FBXW7: variants seen among roughly 807,000 people sequenced by gnomAD.
FBXW7 encodes F-box and WD repeat domain containing 7, also known as F-box/WD repeat-containing protein 7.
FBXW7 carries 11 observed loss-of-function variants against 86.3 expected under a neutral mutation model. That is an observed-to-expected ratio of 0.13 (90% CI 0.08 to 0.21). FBXW7 has a LOEUF of 0.21. Ranked by LOEUF, FBXW7 falls within the 10% of genes least tolerant of loss-of-function variation. The pLI, the probability that FBXW7 is intolerant of heterozygous loss-of-function variation, is 1.00. For synonymous variants in FBXW7, 313 were observed against 297.9 expected (o/e 1.05, Z -0.52); for missense variants, 488 against 847.4 (o/e 0.58, Z 5.27).
At chr4:152,500,496 C>CAA (rs34375454) in intron 2 of FBXW7, among the ~76,000 whole-genome samples, 2,072 of 72,922 alleles carry the variant, frequency 0.028, 48 homozygotes, top group African/African-American at 0.039. Context: ...GCTTTGTCAG[C>CAA]AAAAAAAAAA....
At chr4:152,478,155 A>G (rs1248201784) in intron 2 of FBXW7, among the ~76,000 whole-genome samples, 1 of 152,096 alleles carries the variant, frequency 6.6e-6, no homozygotes, top group Non-Finnish European at 1.5e-5. Context: ...ATGTTGTACA[A>G]TTATCACCAC....
chr4:152,431,843 A>G (rs1432596225), intron 2 of FBXW7, among the ~76,000 whole-genome samples: 1 of 152,204 alleles, frequency 6.6e-6, no homozygotes, highest in Non-Finnish European at 1.5e-5. Flanking sequence ...CAGACTCACT[A>G]GTTTTATACA....
chr4:152,458,254 G>A (rs1015761601), intron 2 of FBXW7, among the ~76,000 whole-genome samples: 9 of 152,236 alleles, frequency 5.9e-5, no homozygotes, highest in South Asian at 2.1e-4. Context: ...TCCCGACCTC[G>A]TGATCCGCCC....
chr4:152,350,009 G>T lies in FBXW7; in HGVS notation c.584+33C>A, dbSNP rs1392057265. 3.3e-6 allele frequency: 4 copies of T among 1,218,076 alleles called. No individual in the cohort carries two copies. The East Asian group carries it at 7.9e-5, about 24-fold the overall frequency. The allele number at this position is 1,218,076 out of a possible 1,614,324, so 75.5% of individuals were successfully genotyped here. On this transcript the variant is annotated intron_variant, in intron 5 of 13. Coordinates refer to ENST00000281708, the MANE Select transcript of FBXW7 (RefSeq NM_001349798.2). ...TTCAGAATCAACTCTAAAAAACTGA[G>T]AATCATGAGATAATCATTATATTTA...
chr4:152,406,464 A>G (rs1349066389), intron 4 of FBXW7, among the ~76,000 whole-genome samples: 4 of 152,220 alleles, frequency 2.6e-5, no homozygotes, highest in Non-Finnish European at 5.9e-5. Context: ...TGAATGAGAT[A>G]CAGTTTATCA....
chr4:152,340,622 T>C (rs1234218633), intron 6 of FBXW7, among the ~76,000 whole-genome samples: 1 of 125,950 alleles, frequency 7.9e-6, no homozygotes. Flanking sequence ...TAAAGACGAG[T>C]AGCAATAGAA....
intron 2 of FBXW7, among the ~76,000 whole-genome samples, chr4:152,523,812 CT>C (rs1749247292): frequency 6.6e-6 from 1 of 152,162 alleles, no homozygotes; most frequent in South Asian, 2.1e-4. Flanking sequence ...GACACATCAT[CT>C]ATTTTGTTTT....
chr4:152,535,996 T>TCAGCGGCGGCGG lies in FBXW7; in HGVS notation c.-1094_-1083dup, dbSNP rs1554005671. On this transcript the variant is annotated 5_prime_UTR_variant, in exon 1 of 14. Transcript: ENST00000281708. ...CTCGGATGCTCCTTCGCTCTCAGTC[T>TCAGCGGCGGCGG]CAGCGGCGGCGGCGGCGGCAGCGGC... 1 of 241,296 alleles carries TCAGCGGCGGCGG rather than the reference T, an allele frequency of 4.1e-6. No individual in the cohort carries two copies. Among genetic ancestry groups the TCAGCGGCGGCGG allele is most frequent in the Non-Finnish European group, 7.9e-6 (1 of 126,672 alleles). 14.9% of individuals were successfully genotyped at this position (241,296 alleles called of 1,614,324 possible).
intron 6 of FBXW7, among the ~76,000 whole-genome samples, chr4:152,340,300 C>A (rs1428924487): frequency 6.6e-6 from 1 of 151,874 alleles, no homozygotes; most frequent in Non-Finnish European, 1.5e-5. Flanking sequence ...CTGATAGGCC[C>A]GGTGCAGTGG....
intron 4 of FBXW7, among the ~76,000 whole-genome samples, chr4:152,398,875 T>A (rs949861100): frequency 2.6e-5 from 4 of 152,076 alleles, no homozygotes; most frequent in Non-Finnish European, 5.9e-5. Context: ...TTGATAAAAT[T>A]GTAACCACTG....
chr4:152,402,974 T>C (rs1481982785), intron 4 of FBXW7, among the ~76,000 whole-genome samples: 2 of 152,232 alleles, frequency 1.3e-5, no homozygotes, highest in Admixed American at 6.5e-5. Context: ...TTCAAGTCTG[T>C]TGGTAAAGCC....
chr4:152,478,158 A>G (rs1744588349), intron 2 of FBXW7, among the ~76,000 whole-genome samples: 1 of 152,110 alleles, frequency 6.6e-6, no homozygotes. Context: ...TTGTACAATT[A>G]TCACCACTAT....
chr4:152,526,375 A>G (rs1355580962), intron 2 of FBXW7, among the ~76,000 whole-genome samples: 1 of 152,230 alleles, frequency 6.6e-6, no homozygotes, highest in Non-Finnish European at 1.5e-5. Flanking sequence ...ACAATCAAGA[A>G]GCATTTATTT....
At chr4:152,365,202 G>A (rs560373987) in intron 4 of FBXW7, among the ~76,000 whole-genome samples, 43 of 152,244 alleles carry the variant, frequency 2.8e-4, no homozygotes, top group Middle Eastern at 6.8e-3. Context: ...ACTGAACAGA[G>A]GTAGGATGGC....
rs376391860 is a variant in FBXW7 at position 152,339,762 on chromosome 4, C to T, written c.727-1826G>A. Among the ~76,000 whole-genome samples the T allele has an allele frequency of 3.1e-4, 47 of 151,774 alleles. No individual in the cohort carries two copies. The East Asian group carries it at 4.8e-3, about 16-fold the overall frequency. ...ATTTGAGATCAGCCTGGCAACATAA[C>T]GAGACCCCATCTCTACAAAAAAATT... On this transcript the variant is annotated intron_variant, in intron 6 of 13. Coordinates refer to ENST00000281708, the MANE Select transcript of FBXW7 (RefSeq NM_001349798.2).
intron 2 of FBXW7, among the ~76,000 whole-genome samples, chr4:152,454,237 G>A (rs1267511163): frequency 6.8e-6 from 1 of 146,238 alleles, no homozygotes; most frequent in African/African-American, 2.5e-5. Context: ...TTTTACTGGA[G>A]AGTAACTCTC....
intron 2 of FBXW7, among the ~76,000 whole-genome samples, chr4:152,437,930 T>C (rs1175493956): frequency 2.0e-5 from 3 of 152,180 alleles, no homozygotes; most frequent in Non-Finnish European, 4.4e-5. Context: ...ATCTCAGCAC[T>C]TTGGGAGGCA....
At position 152,507,804 on chromosome 4, in the gene FBXW7, C is replaced by A. The variant is rs139256557; in HGVS notation, c.-120+27137G>T. ...TGGTGGTCCATGCCTATAATCCCAG[C>A]ACTTTGGGAGACCAAGGTGGGAGGA... is the stretch of plus-strand genomic sequence containing the variant. On this transcript the variant is annotated intron_variant, in intron 2 of 13. Transcript: ENST00000281708. 1.5e-3 allele frequency among the ~76,000 whole-genome samples: 222 copies of A among 152,058 alleles called. 1 individual carries two copies. Among genetic ancestry groups the A allele is most frequent in the African/African-American group, 5.1e-3 (211 of 41,460 alleles).
rs1731656106 is a variant in FBXW7 at position 152,350,034 on chromosome 4, A to T, written c.584+8T>A. The T allele has an allele frequency of 6.9e-7, 1 of 1,442,046 alleles. No individual in the cohort carries two copies. The highest frequency in any genetic ancestry group is 2.5e-5 in the East Asian group (1 of 40,224). The allele number at this position is 1,442,046 out of a possible 1,614,324, so 89.3% of individuals were successfully genotyped here. ...GAATCATGAGATAATCATTATATTT[A>T]ATATTACCTTGTATATTCTGAGACT... On this transcript the variant is annotated splice_region_variant and intron_variant, in intron 5 of 13. Coordinates refer to ENST00000281708, the MANE Select transcript of FBXW7 (RefSeq NM_001349798.2).
Sources: allele counts gnomAD v4.1 joint callset (sites outside exome capture counted in the v4.1 genomes callset), GRCh38; gene constraint gnomAD v4.1.1; transcripts MANE v1.5; gene names NCBI Gene and HGNC (gene_info 2026-07-23, HGNC 2026-07-21).